The following TSGA10 variants were observed in gnomAD, a reference collection of about 807,000 sequenced individuals.
TSGA10 encodes the protein testis-specific gene 10 protein.
In TSGA10, 43 loss-of-function variants were observed where a neutral mutation model predicts 96.6. That is an observed-to-expected ratio of 0.44 (90% CI 0.35 to 0.57). TSGA10 has a LOEUF of 0.57. TSGA10 is among the 20% of genes least tolerant of loss of function. The pLI is 0.01. For missense variants in TSGA10, 703 were observed against 834.4 expected (o/e 0.84, Z 1.94); for synonymous variants, 229 against 269.9 (o/e 0.85, Z 1.48).
intron 11 of TSGA10, among the ~76,000 whole-genome samples, chr2:99,079,470 A>C (rs1222866186): frequency 6.6e-6 from 1 of 152,188 alleles, no homozygotes; most frequent in Non-Finnish European, 1.5e-5. Context: ...TGGGAAATGT[A>C]CATTCTTATG....
At chr2:99,061,198 A>G (rs991689359) in intron 16 of TSGA10, among the ~76,000 whole-genome samples, 1 of 152,234 alleles carries the variant, frequency 6.6e-6, no homozygotes, top group African/African-American at 2.4e-5. Flanking sequence ...GAAGATAAAC[A>G]TGCCAATAAA....
At chr2:99,015,418 A>G (rs1311514815) in intron 20 of TSGA10, among the ~76,000 whole-genome samples, 1 of 152,174 alleles carries the variant, frequency 6.6e-6, no homozygotes, top group African/African-American at 2.4e-5. Flanking sequence ...GATGCAGAAA[A>G]AGCATTTGAC....
intron 16 of TSGA10, among the ~76,000 whole-genome samples, chr2:99,055,514 A>G (rs1481266712): frequency 2.6e-5 from 4 of 152,152 alleles, no homozygotes; most frequent in Admixed American, 2.6e-4. Context: ...GGTGCTGGAT[A>G]TGTTAATTAG....
At chr2:99,072,014 TAC>T in intron 13 of TSGA10, 140 bp from the exon 14 acceptor site, 1 of 705,650 alleles carries the variant, frequency 1.4e-6, no homozygotes, top group Non-Finnish European at 2.3e-6. Context: ...TAGGAATAAA[TAC>T]TGCAAAGACA....
In TSGA10 at chr2:98,998,132, CAA is replaced by C. The variant is rs796524474; in HGVS notation, c.*63_*64del. ...TTAAAAGATAAATGCACTCATGTAG[CAA>C]AAAAAAAAAAATCAGTTTGTAACTT... On this transcript the variant is annotated 3_prime_UTR_variant, in exon 21 of 21. Coordinates refer to ENST00000393483, the MANE Select transcript of TSGA10 (RefSeq NM_025244.4). The C allele has an allele frequency of 3.0e-3, 3,359 of 1,109,614 alleles. No homozygotes were observed. Among genetic ancestry groups the C allele is most frequent in the South Asian group, 6.3e-3 (392 of 62,666 alleles). 68.7% of individuals were successfully genotyped at this position (1,109,614 alleles called of 1,614,324 possible). A position where few individuals can be genotyped will look rare whatever the true frequency, so the allele number is the denominator to read the frequency against.
chr2:99,100,819 C>CAAA (rs70940133), intron 10 of TSGA10, among the ~76,000 whole-genome samples: 11 of 69,716 alleles, frequency 1.6e-4, no homozygotes, highest in South Asian at 1.1e-3. Flanking sequence ...GACTCCGTCT[C>CAAA]AAAAAAAAAA....
intron 1 of TSGA10, among the ~76,000 whole-genome samples, chr2:99,152,476 A>T (rs927731112): frequency 2.6e-5 from 4 of 152,106 alleles, no homozygotes; most frequent in African/African-American, 9.7e-5. Flanking sequence ...TTAGAGACAG[A>T]GTCTTACAAT....
intron 10 of TSGA10, among the ~76,000 whole-genome samples, chr2:99,088,312 G>A: frequency 6.6e-6 from 1 of 152,170 alleles, no homozygotes; most frequent in Non-Finnish European, 1.5e-5. Context: ...AGTTATTGTT[G>A]TTATATTTTA....
chr2:99,022,845 A>AT, intron 17 of TSGA10, among the ~76,000 whole-genome samples: 1 of 152,034 alleles, frequency 6.6e-6, no homozygotes. Flanking sequence ...TTTTGTCAAC[A>AT]TTTTTTATCT....
intron 4 of TSGA10, among the ~76,000 whole-genome samples, chr2:99,113,948 T>G (rs1240611632): frequency 1.3e-5 from 2 of 152,234 alleles, no homozygotes; most frequent in African/African-American, 4.8e-5. Context: ...TCAATATTTG[T>G]TGTTTGAAGG....
At chr2:99,001,442 A>G (rs1239217386) in intron 20 of TSGA10, among the ~76,000 whole-genome samples, 1 of 152,218 alleles carries the variant, frequency 6.6e-6, no homozygotes, top group Non-Finnish European at 1.5e-5. Context: ...ATCAACATCA[A>G]CAAAAAGGAC....
At chr2:99,071,677 G>A (rs1240529198) in intron 14 of TSGA10, 29 bp downstream of exon 14, 3 of 1,568,194 alleles carry the variant, frequency 1.9e-6, no homozygotes, top group Non-Finnish European at 2.6e-6. Context: ...TTTTTTTCTT[G>A]GAGAAAATGA....
intron 16 of TSGA10, among the ~76,000 whole-genome samples, chr2:99,052,230 CT>C (rs1362906610): frequency 4.0e-5 from 6 of 151,718 alleles, no homozygotes; most frequent in African/African-American, 1.5e-4. Context: ...ACTGAGAAAA[CT>C]TTAGCCAAAC....
chr2:99,087,500 C>T lies in TSGA10; in HGVS notation c.612-6103G>A, dbSNP rs186582466. Among the ~76,000 whole-genome samples, 11 of 152,166 alleles carry T rather than the reference C, an allele frequency of 7.2e-5. 1 individual carries two copies. Among genetic ancestry groups the T allele is most frequent in the Admixed American group, 5.2e-4 (8 of 15,278 alleles). ...CAGCCTCGGCAACAAAAGTAAAACGCCGTCTGAACAAAAAATAAAAAATAA... is the reference window on the plus strand; with the variant it reads ...CAGCCTCGGCAACAAAAGTAAAACGTCGTCTGAACAAAAAATAAAAAATAA... On this transcript the variant is annotated intron_variant, in intron 10 of 20. Transcript: ENST00000393483.
intron 1 of TSGA10, among the ~76,000 whole-genome samples, chr2:99,133,282 T>C (rs940414454): frequency 3.3e-5 from 5 of 152,334 alleles, no homozygotes; most frequent in Middle Eastern, 3.4e-3. Flanking sequence ...ATTGGGTGCA[T>C]ATATATTTAG....
At chr2:99,015,312 C>A (rs893056452) in intron 20 of TSGA10, among the ~76,000 whole-genome samples, 1 of 152,152 alleles carries the variant, frequency 6.6e-6, no homozygotes, top group African/African-American at 2.4e-5. Flanking sequence ...GAGTTGCATA[C>A]CAGGTATGCA....
chr2:99,146,461 A>G (rs2093633137), intron 1 of TSGA10, among the ~76,000 whole-genome samples: 1 of 148,682 alleles, frequency 6.7e-6, no homozygotes, highest in African/African-American at 2.5e-5. Context: ...TTTTCATTGA[A>G]TAGAAATTCT....
intron 17 of TSGA10, among the ~76,000 whole-genome samples, chr2:99,028,798 C>T (rs1167986566): frequency 2.6e-5 from 4 of 152,082 alleles, no homozygotes; most frequent in African/African-American, 7.2e-5. Context: ...TTTTTGTTTT[C>T]GTGATGTTTC....
chr2:99,146,841 C>G (rs1006272388), intron 1 of TSGA10, among the ~76,000 whole-genome samples: 7 of 152,192 alleles, frequency 4.6e-5, no homozygotes, highest in Non-Finnish European at 1.5e-5. Context: ...GTTGATCAGG[C>G]TGGTCTCGAA....
Sources: allele counts gnomAD v4.1 joint callset (sites outside exome capture counted in the v4.1 genomes callset), GRCh38; gene constraint gnomAD v4.1.1; transcripts MANE v1.5; gene names NCBI Gene and HGNC (gene_info 2026-07-23, HGNC 2026-07-21).